Variants in METTL16 observed in about 807,000 individuals in gnomAD.
METTL16 encodes the protein RNA N(6)-adenosine-methyltransferase METTL16.
Under a neutral mutation model 57.9 loss-of-function variants are expected in METTL16, and 19 were observed. The observed-to-expected ratio is 0.33, with a 90% confidence interval of 0.23 to 0.48. METTL16 has a LOEUF of 0.48. METTL16 is among the 20% of genes least tolerant of loss of function. The probability of loss-of-function intolerance (pLI) is 0.99; values close to 1 mark genes in which losing one functional copy is unlikely to be tolerated. For missense variants in METTL16, 434 were observed against 691.5 expected (o/e 0.63, Z 4.18); for synonymous variants, 246 against 255.6 (o/e 0.96, Z 0.36).
intron 1 of METTL16, among the ~76,000 whole-genome samples, chr17:2,506,408 G>T (rs905310057): frequency 1.3e-5 from 2 of 151,810 alleles, no homozygotes; most frequent in East Asian, 3.9e-4. Flanking sequence ...GCCTCAGCCT[G>T]CCGAGTGCCT....
chr17:2,448,224 C>T (rs1416182689), intron 6 of METTL16, among the ~76,000 whole-genome samples: 2 of 147,446 alleles, frequency 1.4e-5, no homozygotes, highest in African/African-American at 5.0e-5. Flanking sequence ...TGCCCGGCCA[C>T]GACCCCGTCT....
At chr17:2,421,045 T>A (rs911908924) in intron 8 of METTL16, 141 bp from the exon 9 acceptor site, 2 of 936,180 alleles carry the variant, frequency 2.1e-6, no homozygotes, top group African/African-American at 3.3e-5. Context: ...GTTTTGTGTG[T>A]GTTATGTCCA....
intron 6 of METTL16, among the ~76,000 whole-genome samples, chr17:2,460,673 G>A (rs527380169): frequency 2.0e-5 from 3 of 152,062 alleles, no homozygotes; most frequent in Non-Finnish European, 4.4e-5. Context: ...ATCACCTGAG[G>A]TCGGGAGTTC....
chr17:2,448,171 C>G (rs1597448734), intron 6 of METTL16, among the ~76,000 whole-genome samples: 8 of 148,488 alleles, frequency 5.4e-5, no homozygotes, highest in Admixed American at 6.8e-5. Flanking sequence ...AGGTGAGGGG[C>G]GCCTCTGCCC....
rs1411130953 is a variant in METTL16 at position 2,467,941 on chromosome 17, CA to C, written c.470-66del. The C allele has an allele frequency of 1.6e-5, 17 of 1,084,072 alleles. No homozygotes were observed. In the African/African-American group the frequency reaches 1.9e-4, roughly 12 times the overall value. 67.2% of individuals were successfully genotyped at this position (1,084,072 alleles called of 1,614,324 possible). ...GCAGTGGTTCTAAAGTATAACCGCG[CA>C]CTGCGTAATGATTCTTTGGTCAACT... On this transcript the variant is annotated intron_variant, in intron 4 of 9. Transcript: ENST00000263092.
intron 4 of METTL16, among the ~76,000 whole-genome samples, chr17:2,472,989 G>A (rs1280615117): frequency 1.3e-5 from 2 of 152,034 alleles, no homozygotes; most frequent in African/African-American, 4.8e-5. Flanking sequence ...TGTAAAGAAT[G>A]AACTGTGGGT....
intron 6 of METTL16, among the ~76,000 whole-genome samples, chr17:2,451,928 T>A (rs1026676785): frequency 4.0e-5 from 6 of 151,896 alleles, no homozygotes; most frequent in African/African-American, 1.5e-4. Flanking sequence ...GGTGGATCAC[T>A]TGAGCCCAGG....
chr17:2,507,698 G>A (rs993886314), intron 1 of METTL16, among the ~76,000 whole-genome samples: 54 of 152,344 alleles, frequency 3.5e-4, no homozygotes, highest in African/African-American at 1.3e-3. Context: ...GGGAAAGGTG[G>A]GGAAAAGATT....
chr17:2,478,908 G>A (rs1362191663), intron 2 of METTL16, among the ~76,000 whole-genome samples: 1 of 152,158 alleles, frequency 6.6e-6, no homozygotes, highest in Non-Finnish European at 1.5e-5. Flanking sequence ...TCACGGTCAT[G>A]ATGGATTGTT....
At chr17:2,441,156 T>C (rs185980057) in intron 7 of METTL16, among the ~76,000 whole-genome samples, 3 of 152,212 alleles carry the variant, frequency 2.0e-5, no homozygotes, top group East Asian at 1.9e-4. Flanking sequence ...TTCAGCAACA[T>C]GGACAGAACT....
intron 8 of METTL16, 72 bp downstream of exon 8, chr17:2,438,037 C>T: frequency 1.8e-6 from 2 of 1,084,262 alleles, no homozygotes. Flanking sequence ...ACTACCAATT[C>T]AGTTCACTTA....
chr17:2,497,999 C>T (rs2067458815), intron 2 of METTL16, among the ~76,000 whole-genome samples: 1 of 151,764 alleles, frequency 6.6e-6, no homozygotes, highest in East Asian at 1.9e-4. Context: ...TCGAGACCAT[C>T]GTGGCTAACA....
At chr17:2,466,153 A>T (rs1027562364) in intron 5 of METTL16, among the ~76,000 whole-genome samples, 2 of 150,328 alleles carry the variant, frequency 1.3e-5, no homozygotes, top group Non-Finnish European at 3.0e-5. Context: ...AGATCACGCC[A>T]CTACACTCCA....
chr17:2,447,188 C>G (rs549408381), intron 6 of METTL16, among the ~76,000 whole-genome samples: 1 of 146,666 alleles, frequency 6.8e-6, no homozygotes, highest in African/African-American at 2.7e-5. Flanking sequence ...GCGTCTCTGC[C>G]CGGCCGCCCA....
intron 2 of METTL16, among the ~76,000 whole-genome samples, chr17:2,482,549 A>G (rs1164254991): frequency 6.6e-6 from 1 of 152,242 alleles, no homozygotes; most frequent in East Asian, 1.9e-4. Flanking sequence ...GCTTTTATAC[A>G]CAGGGTCAAA....
intron 8 of METTL16, among the ~76,000 whole-genome samples, chr17:2,426,981 GAAA>G (rs34249994): frequency 1.4e-5 from 2 of 141,982 alleles, no homozygotes; most frequent in Non-Finnish European, 1.5e-5. Context: ...CTAAAAATAC[GAAA>G]AAAAAAAAAA....
At chr17:2,511,280 C>T (rs1344303566) in intron 1 of METTL16, among the ~76,000 whole-genome samples, 1 of 151,910 alleles carries the variant, frequency 6.6e-6, no homozygotes, top group East Asian at 1.9e-4. Flanking sequence ...TGACCATTAA[C>T]CCTCTTCAAC....
At chr17:2,501,730 C>A (rs1001191696) in intron 2 of METTL16, among the ~76,000 whole-genome samples, 2 of 151,862 alleles carry the variant, frequency 1.3e-5, no homozygotes, top group Admixed American at 6.6e-5. Flanking sequence ...TGGTGGCGGG[C>A]GCCTGTAATC....
chr17:2,497,305 C>CTTGTTTTT, intron 2 of METTL16, among the ~76,000 whole-genome samples: 2 of 63,786 alleles, frequency 3.1e-5, no homozygotes, highest in East Asian at 4.5e-4. Flanking sequence ...TGCACCCGGC[C>CTTGTTTTT]TTTTTTTTTT....
Sources: allele counts gnomAD v4.1 joint callset (sites outside exome capture counted in the v4.1 genomes callset), GRCh38; gene constraint gnomAD v4.1.1; transcripts MANE v1.5; gene names NCBI Gene and HGNC (gene_info 2026-07-23, HGNC 2026-07-21).